The following PCDHGB1 variants were observed in gnomAD, a reference collection of about 807,000 sequenced individuals.
PCDHGB1 encodes the protein protocadherin gamma subfamily B, 1.
Under a neutral mutation model 56.6 loss-of-function variants are expected in PCDHGB1, and 34 were observed. The observed-to-expected ratio is 0.60, with a 90% CI of 0.46 to 0.80. The LOEUF is 0.80. PCDHGB1 is among the 30% of genes least tolerant of loss of function. The pLI, the probability that PCDHGB1 is intolerant of heterozygous loss-of-function variation, is 0.00. For synonymous variants in PCDHGB1, 561 were observed against 505.9 expected (o/e 1.11, Z -1.46); for missense variants, 1,278 against 1,204.6 (o/e 1.06, Z -0.90).
At chr5:141,403,314 T>C (rs1178188100) in intron 1 of PCDHGB1, 7 of 1,613,856 alleles carry the variant, frequency 4.3e-6, no homozygotes, top group Non-Finnish European at 5.1e-6. Flanking sequence ...GGAATAGAAA[T>C]AGAAGTAACT....
intron 1 of PCDHGB1, chr5:141,415,642 A>T (rs1418546981): frequency 6.0e-6 from 5 of 831,836 alleles, no homozygotes; most frequent in Middle Eastern, 2.6e-4. Flanking sequence ...TACTTTTGTT[A>T]AAAAAAAAAA....
In PCDHGB1 at chr5:141,491,250, C is replaced by T. The variant is rs1328621598; in HGVS notation, c.2410-3557C>T. The T allele has an allele frequency of 6.2e-7, 1 of 1,614,148 alleles. No individual in the cohort carries two copies. Among genetic ancestry groups the T allele is most frequent in the South Asian group, 1.1e-5 (1 of 91,092 alleles). ...TGCTGCTGGTTCTGGAGGATGAGGA[C>T]CCTGAGGAAATGCCCAAATCCAGTG... On this transcript the variant is annotated intron_variant, in intron 1 of 3. Transcript: ENST00000523390. The surrounding 1 kb of genome is among the most constrained non-coding windows in gnomAD (Gnocchi z 6.9).
At chr5:141,388,216 A>G (rs1391427454) in intron 1 of PCDHGB1, 1 of 1,598,862 alleles carries the variant, frequency 6.3e-7, no homozygotes, top group African/African-American at 1.4e-5. Flanking sequence ...GCTGTTGCTG[A>G]AAATCCACTG....
chr5:141,476,483 G>A lies in PCDHGB1; in HGVS notation c.2410-18324G>A. On this transcript the variant is annotated intron_variant, in intron 1 of 3. Coordinates refer to ENST00000523390, the MANE Select transcript of PCDHGB1 (RefSeq NM_018922.3). The surrounding 1 kb of genome is among the most constrained non-coding windows in gnomAD (Gnocchi z 7.6). The stretch of plus-strand genomic sequence containing the variant: ...CCCGCTGGAGCTGTTCAGCGTGGAA[G>A]TGGTGATCCAGGACATCAACGACAA... The A allele has an allele frequency of 3.1e-6, 5 of 1,614,166 alleles. No individual in the cohort carries two copies. Among genetic ancestry groups the A allele is most frequent in the Non-Finnish European group, 4.2e-6 (5 of 1,180,034 alleles).
chr5:141,354,990 C>A, intron 1 of PCDHGB1: 1 of 635,190 alleles, frequency 1.6e-6, no homozygotes, highest in Non-Finnish European at 2.4e-6. Flanking sequence ...GTTCACCAAT[C>A]AGGGGGAAAA....
intron 1 of PCDHGB1, chr5:141,375,806 G>T (rs1223554303): frequency 6.8e-6 from 11 of 1,614,088 alleles, no homozygotes; most frequent in African/African-American, 1.3e-5. Context: ...TTCCACTGGC[G>T]TGGAGCTGGC....
rs1476081470 is a variant in PCDHGB1, at chr5:141,432,757, C to G, written c.2410-62050C>G. 2.5e-6 allele frequency: 4 copies of G among 1,614,150 alleles called. No homozygotes were observed. The highest frequency in any genetic ancestry group is 1.3e-5 in the African/African-American group (1 of 75,076). ...TCACGCTCACCGTGGCCGTGGCCGA[C>G]AGCATCCCCCAAGTCCTGGCGGACC... On this transcript the variant is annotated intron_variant, in intron 1 of 3. Coordinates refer to ENST00000523390, the MANE Select transcript of PCDHGB1 (RefSeq NM_018922.3). This position sits in a 1 kb window ranked among gnomAD's most constrained non-coding sequence, Gnocchi z 6.0.
Position 141,352,564 on chromosome 5 carries a change from G to A in PCDHGB1, c.2304G>A (p.Pro768=), listed in dbSNP as rs1356070450. 4 of 1,613,794 alleles carry A rather than the reference G, an allele frequency of 2.5e-6. No homozygotes were observed. The highest frequency in any genetic ancestry group is 1.3e-5 in the African/African-American group (1 of 74,910). The stretch of plus-strand genomic sequence containing the variant: ...AGTTTAATTCTCTCAACCTGACACC[G>A]GAAATGGCTCCCCCTCAGGATCTGC... ...KTEFNSLNLT[P]EMAPPQDLLC... The change falls in exon 1 of 4, where the codon CCG becomes CCA. Residue 768 remains proline, a synonymous_variant. Transcript: ENST00000523390.
intron 1 of PCDHGB1, chr5:141,415,883 G>C: frequency 1.0e-6 from 1 of 984,090 alleles, no homozygotes; most frequent in Non-Finnish European, 1.4e-6. Context: ...GTACAATATT[G>C]ACAATTCCTA....
At chr5:141,365,095 A>G in intron 1 of PCDHGB1, 2 of 1,613,810 alleles carry the variant, frequency 1.2e-6, no homozygotes, top group Non-Finnish European at 1.7e-6. Context: ...CAGAGAACAT[A>G]CCTGTGGGCA....
rs373446844 is a variant in PCDHGB1, at chr5:141,486,661, G to A, written c.2410-8146G>A. The A allele has an allele frequency of 3.1e-6, 5 of 1,613,836 alleles. No individual in the cohort carries two copies. In the African/African-American group the frequency reaches 4.0e-5, roughly 13 times the overall value. On this transcript the variant is annotated intron_variant, in intron 1 of 3. Transcript: ENST00000523390. The surrounding 1 kb of genome is among the most constrained non-coding windows in gnomAD (Gnocchi z 5.0). The stretch of plus-strand genomic sequence containing the variant: ...CGCTTATCTCCTACTCACTCCTGGA[G>A]CCCAGGAATCGAGATGTATCAGCTT...
chr5:141,389,330 C>T, intron 1 of PCDHGB1: 1 of 1,614,000 alleles, frequency 6.2e-7, no homozygotes. Context: ...TGGGGCCCAA[C>T]GGCCAAGTCT....
rs62378414 is a variant in PCDHGB1, at chr5:141,350,817, G to T, written c.557G>T (p.Ser186Ile). ...SLSTKESPDG[S>I]KYPVLLLEKP... ...TCAACGAAGGAAAGTCCTGATGGAA[G>T]TAAATATCCGGTATTACTGCTGGAA... is the stretch of plus-strand genomic sequence containing the variant. The change falls in exon 1 of 4, where the codon AGT (serine) becomes ATT (isoleucine). Residue 186 changes from serine to isoleucine, a missense_variant. Ser to Ile is a moderately radical substitution (Grantham distance 142, BLOSUM62 -2). Coordinates refer to ENST00000523390, the MANE Select transcript of PCDHGB1 (RefSeq NM_018922.3). 45,375 of 1,614,002 alleles carry T rather than the reference G, an allele frequency of 0.028. 719 individuals are homozygous for T. The highest frequency in any genetic ancestry group is 0.09 in the Middle Eastern group (545 of 6,062).
chr5:141,454,998 G>C (rs909142112), intron 1 of PCDHGB1, among the ~76,000 whole-genome samples: 27 of 151,220 alleles, frequency 1.8e-4, no homozygotes, highest in African/African-American at 5.8e-4. Context: ...ATTTTTAGTA[G>C]AGACGGGGTT....
At chr5:141,430,405 A>T (rs1163049877) in intron 1 of PCDHGB1, among the ~76,000 whole-genome samples, 1 of 152,124 alleles carries the variant, frequency 6.6e-6, no homozygotes, top group Non-Finnish European at 1.5e-5. Flanking sequence ...AAGCTCACTA[A>T]AGTTTCTATT....
intron 1 of PCDHGB1, chr5:141,394,337 C>T (rs2092979975): frequency 7.4e-6 from 12 of 1,614,148 alleles, no homozygotes; most frequent in Non-Finnish European, 1.0e-5. Flanking sequence ...TCTCCATCAA[C>T]TCTGACACCG....
intron 1 of PCDHGB1, chr5:141,393,226 T>C (rs1291576624): frequency 6.2e-7 from 1 of 1,613,712 alleles, no homozygotes; most frequent in Non-Finnish European, 8.5e-7. Context: ...GTCGAAGATC[T>C]AGAAGTAAAA....
intron 1 of PCDHGB1, among the ~76,000 whole-genome samples, chr5:141,455,137 G>A (rs892739175): frequency 2.7e-5 from 4 of 150,642 alleles, no homozygotes; most frequent in African/African-American, 9.8e-5. Flanking sequence ...ATTACACTGT[G>A]TTAAATAAAT....
intron 1 of PCDHGB1, among the ~76,000 whole-genome samples, chr5:141,443,085 G>A (rs991288098): frequency 3.9e-5 from 6 of 151,916 alleles, no homozygotes; most frequent in Admixed American, 2.6e-4. Flanking sequence ...GAGTGTTCCA[G>A]TCTCCTTCTC....
Sources: gnomAD v4.1 joint callset for allele counts (sites outside exome capture counted in the v4.1 genomes callset) on GRCh38, gnomAD v4.1.1 for gene constraint, Gnocchi (gnomAD v3.1) non-coding constraint, MANE v1.5 for transcripts, NCBI Gene and HGNC (gene_info 2026-07-23, HGNC 2026-07-21) for gene names.